The following RBM19 variants were observed in gnomAD, a reference collection of about 807,000 sequenced individuals.
RBM19 encodes the protein probable RNA-binding protein 19.
In RBM19, 94 loss-of-function variants were observed where a neutral mutation model predicts 116.8. The ratio of observed to expected loss-of-function variants is 0.80; its 90% CI spans 0.68 to 0.95. The LOEUF is 0.95. Among genes scored for constraint, RBM19 ranks in the 40% least tolerant of loss-of-function variants. The probability of loss-of-function intolerance (pLI) is 0.00; values close to 1 mark genes in which losing one functional copy is unlikely to be tolerated. For synonymous variants in RBM19, 475 were observed against 494.1 expected, an observed-to-expected ratio of 0.96 and a Z score of 0.51; for missense variants, 1,161 against 1,220.7, an observed-to-expected ratio of 0.95 and a Z score of 0.73.
chr12:113,873,689 T>TTA (rs1402076580), intron 21 of RBM19, among the ~76,000 whole-genome samples: 62 of 127,688 alleles, frequency 4.9e-4, no homozygotes, highest in Middle Eastern at 7.8e-3. Flanking sequence ...AAAAATAAAT[T>TTA]AAAAAAAAAA....
At chr12:113,875,897 G>A (rs1370511917) in intron 21 of RBM19, among the ~76,000 whole-genome samples, 1 of 152,104 alleles carries the variant, frequency 6.6e-6, no homozygotes, top group Non-Finnish European at 1.5e-5. Flanking sequence ...GTGAATCTCG[G>A]CCACACCTCC....
intron 16 of RBM19, among the ~76,000 whole-genome samples, chr12:113,931,569 C>T (rs1225836713): frequency 2.6e-5 from 4 of 152,208 alleles, no homozygotes; most frequent in Non-Finnish European, 5.9e-5. Flanking sequence ...GCTGTGCCCT[C>T]TGCCCCTCTC....
intron 22 of RBM19, among the ~76,000 whole-genome samples, chr12:113,849,159 T>C (rs1048517332): frequency 6.6e-6 from 1 of 152,248 alleles, no homozygotes; most frequent in Non-Finnish European, 1.5e-5. Context: ...CCCTGTGCCC[T>C]GGACACCTGG....
intron 22 of RBM19, 55 bp downstream of exon 22, chr12:113,858,736 A>G: frequency 3.9e-6 from 6 of 1,538,286 alleles, no homozygotes; most frequent in Non-Finnish European, 5.4e-6. Context: ...CTCTCCTACA[A>G]TGGGTACTGG....
intron 21 of RBM19, among the ~76,000 whole-genome samples, chr12:113,890,067 A>G (rs1253064215): frequency 6.6e-6 from 1 of 152,210 alleles, no homozygotes; most frequent in Admixed American, 6.5e-5. Flanking sequence ...AATTCAATAA[A>G]TGAACTCTGA....
chr12:113,910,711 C>A (rs542744831), intron 21 of RBM19, among the ~76,000 whole-genome samples: 7 of 152,322 alleles, frequency 4.6e-5, no homozygotes, highest in Non-Finnish European at 7.3e-5. Flanking sequence ...CGAACTGATA[C>A]AAAGACTGCG....
chr12:113,925,836 T>C (rs888929633), intron 17 of RBM19, among the ~76,000 whole-genome samples: 7 of 152,198 alleles, frequency 4.6e-5, no homozygotes, highest in African/African-American at 1.4e-4. Flanking sequence ...GATGTTCCCA[T>C]ACCAGACCCG....
At chr12:113,884,785 C>T (rs1880409972) in intron 21 of RBM19, among the ~76,000 whole-genome samples, 1 of 152,062 alleles carries the variant, frequency 6.6e-6, no homozygotes, top group Admixed American at 6.5e-5. Context: ...AAGATGGGGA[C>T]ACATTGAAAG....
intron 21 of RBM19, among the ~76,000 whole-genome samples, chr12:113,910,159 A>C (rs1882338240): frequency 6.6e-6 from 1 of 152,180 alleles, no homozygotes; most frequent in Non-Finnish European, 1.5e-5. Context: ...CTTAGTGATG[A>C]TCATGACAGT....
rs553337619 is a variant in RBM19, at chr12:113,915,183, T to C, written c.2442-98A>G. 15 of 1,031,956 alleles carry C rather than the reference T, an allele frequency of 1.5e-5. No individual in the cohort carries two copies. The African/African-American group carries it at 2.4e-4, about 16-fold the overall frequency. The allele number at this position is 1,031,956 out of a possible 1,614,324, so 63.9% of individuals were successfully genotyped here. ...CGCCTCCATCAGAATATTCAGGTGA[T>C]GGATTCAAGGAGTGTGCGTGGGGTG... On this transcript the variant is annotated intron_variant, in intron 20 of 23. Transcript: ENST00000261741.
At chr12:113,850,158 C>G (rs1348324471) in intron 22 of RBM19, among the ~76,000 whole-genome samples, 1 of 152,226 alleles carries the variant, frequency 6.6e-6, no homozygotes, top group Admixed American at 6.5e-5. Context: ...TTCATTCACA[C>G]CACCTGGGGG....
At chr12:113,827,347 C>T (rs1411051931) in intron 23 of RBM19, among the ~76,000 whole-genome samples, 1 of 151,940 alleles carries the variant, frequency 6.6e-6, no homozygotes, top group Non-Finnish European at 1.5e-5. Flanking sequence ...TCCCCACCAA[C>T]CTCCAACCAC....
At chr12:113,965,255 C>T (rs745806938) in intron 1 of RBM19, among the ~76,000 whole-genome samples, 1 of 146,336 alleles carries the variant, frequency 6.8e-6, no homozygotes, top group Non-Finnish European at 1.5e-5. Context: ...GCAGTCCAGC[C>T]TGGGAGACAG....
intron 21 of RBM19, among the ~76,000 whole-genome samples, chr12:113,914,408 T>C (rs898077): frequency 0.67 from 102,431 of 152,098 alleles, 35,280 homozygotes; most frequent in East Asian, 0.98. Context: ...TTCCATAGAG[T>C]CATTTAGGCC....
intron 21 of RBM19, among the ~76,000 whole-genome samples, chr12:113,885,899 C>G (rs1423260459): frequency 7.5e-6 from 1 of 133,940 alleles, no homozygotes; most frequent in Non-Finnish European, 1.5e-5. Flanking sequence ...GATGGGGTCT[C>G]TCTCTGTCGC....
intron 21 of RBM19, 78 bp downstream of exon 21, chr12:113,914,891 C>G: frequency 3.1e-6 from 4 of 1,301,644 alleles, no homozygotes; most frequent in Non-Finnish European, 4.5e-6. Flanking sequence ...ATCCAGGACC[C>G]AAAGGCCATC....
At chr12:113,897,207 C>T (rs1199404807) in intron 21 of RBM19, among the ~76,000 whole-genome samples, 4 of 152,208 alleles carry the variant, frequency 2.6e-5, no homozygotes, top group South Asian at 2.1e-4. Flanking sequence ...CTCGCTCTGT[C>T]GCCCAGGCTG....
intron 23 of RBM19, among the ~76,000 whole-genome samples, chr12:113,832,195 CT>C (rs11410268): frequency 2.7e-3 from 392 of 144,956 alleles, no homozygotes; most frequent in Non-Finnish European, 2.8e-3. Context: ...TTTCTTTTTT[CT>C]TTTTTTTTTT....
chr12:113,918,949 AG>A (rs1416855577), intron 19 of RBM19, among the ~76,000 whole-genome samples: 1 of 152,236 alleles, frequency 6.6e-6, no homozygotes, highest in African/African-American at 2.4e-5. Context: ...AGAGCTTCGT[AG>A]GAACAATTCT....
Sources: gnomAD v4.1 joint callset for allele counts (sites outside exome capture counted in the v4.1 genomes callset) on GRCh38, gnomAD v4.1.1 for gene constraint, MANE v1.5 for transcripts, NCBI Gene and HGNC (gene_info 2026-07-23, HGNC 2026-07-21) for gene names.